The following NELL2 variants were observed in gnomAD, a reference collection of about 807,000 sequenced individuals.
The protein encoded by NELL2 is neural EGFL like 2.
A neutral mutation model predicts 109.6 loss-of-function variants in NELL2; 41 were observed. That is an observed-to-expected ratio of 0.37 (90% CI 0.29 to 0.49). The LOEUF is 0.49. Among genes scored for constraint, NELL2 ranks in the 20% least tolerant of loss-of-function variants. The pLI is 0.98. For synonymous variants in NELL2, 355 were observed against 344.7 expected (o/e 1.03, Z -0.33); for missense variants, 900 against 1,008.3 (o/e 0.89, Z 1.45).
At chr12:44,875,672 A>G in intron 1 of NELL2, 143 bp downstream of exon 1, 1 of 1,582,212 alleles carries the variant, frequency 6.3e-7, no homozygotes, top group Non-Finnish European at 8.5e-7. Context: ...AAAAAAATCC[A>G]TATCCAAACC....
intron 1 of NELL2, among the ~76,000 whole-genome samples, chr12:44,907,846 A>G (rs1195430980): frequency 6.6e-6 from 1 of 152,162 alleles, no homozygotes; most frequent in Non-Finnish European, 1.5e-5. Flanking sequence ...CATTCAAGAA[A>G]TAGGATATAG....
intron 2 of NELL2, 182 bp downstream of exon 2, chr12:44,875,043 G>GATCTCGGTGGTC: frequency 1.4e-6 from 1 of 718,202 alleles, no homozygotes; most frequent in South Asian, 2.1e-5. Context: ...AGAAGGGTGA[G>GATCTCGGTGGTC]GCAGGGGAGA....
chr12:44,523,014 A>G (rs1269037708), intron 17 of NELL2: 7 of 437,520 alleles, frequency 1.6e-5, no homozygotes, highest in Non-Finnish European at 1.7e-5. Context: ...GACACAATAT[A>G]GTATATACTA....
At chr12:44,880,474 G>A (rs1945399098), upstream of NELL2, among the ~76,000 whole-genome samples, 1 of 151,852 alleles carries the variant, frequency 6.6e-6, no homozygotes, top group African/African-American at 2.4e-5. Context: ...AATGTGCCAA[G>A]ACCGATAAAA....
At chr12:44,653,291 T>C (rs1947366792) in intron 13 of NELL2, among the ~76,000 whole-genome samples, 1 of 152,128 alleles carries the variant, frequency 6.6e-6, no homozygotes, top group Non-Finnish European at 1.5e-5. Context: ...ATTTTAAAGA[T>C]GAAGAAACTG....
chr12:44,840,852 T>C (rs1162104554), intron 2 of NELL2, among the ~76,000 whole-genome samples: 4 of 152,196 alleles, frequency 2.6e-5, no homozygotes, highest in Non-Finnish European at 5.9e-5. Context: ...TAGAAATAGG[T>C]CAAATACATG....
intron 11 of NELL2, 48 bp from the exon 12 acceptor site, chr12:44,703,902 T>C (rs767311763): frequency 7.2e-6 from 11 of 1,521,084 alleles, no homozygotes; most frequent in Non-Finnish European, 8.9e-7. Context: ...ACTATGACAA[T>C]GCAAATTTTT....
chr12:44,639,458 C>T (rs1946769951), intron 13 of NELL2, among the ~76,000 whole-genome samples: 1 of 152,176 alleles, frequency 6.6e-6, no homozygotes, highest in Admixed American at 6.5e-5. Flanking sequence ...TTGTTATTTC[C>T]TAACAAGACC....
chr12:44,627,687 G>A (rs1362766676), intron 13 of NELL2, among the ~76,000 whole-genome samples: 2 of 152,004 alleles, frequency 1.3e-5, no homozygotes, highest in Admixed American at 1.3e-4. Flanking sequence ...GATATAACTT[G>A]TTCCCCTTTC....
intron 12 of NELL2, among the ~76,000 whole-genome samples, chr12:44,680,473 A>T (rs1005038361): frequency 2.4e-4 from 37 of 152,322 alleles, no homozygotes; most frequent in African/African-American, 8.7e-4. Context: ...TACTTGGAGG[A>T]AATTTAAAAA....
chr12:44,561,632 A>C (rs1309100610), intron 15 of NELL2, among the ~76,000 whole-genome samples: 1 of 152,214 alleles, frequency 6.6e-6, no homozygotes, highest in Non-Finnish European at 1.5e-5. Flanking sequence ...AGACCTCCTC[A>C]AGGAGAACTA....
At chr12:44,900,367 AC>A (rs35813247) in intron 1 of NELL2, among the ~76,000 whole-genome samples, 11,318 of 152,176 alleles carry the variant, frequency 0.074, 543 homozygotes, top group Admixed American at 0.12. Flanking sequence ...TGGAAGTAAA[AC>A]ACTCCTCAGA....
intron 15 of NELL2, among the ~76,000 whole-genome samples, chr12:44,547,413 C>T (rs894198322): frequency 9.9e-5 from 15 of 151,944 alleles, no homozygotes; most frequent in African/African-American, 3.4e-4. Flanking sequence ...AAAATGCTTG[C>T]GATAAATATC....
intron 12 of NELL2, among the ~76,000 whole-genome samples, chr12:44,693,421 G>A (rs982453751): frequency 6.6e-6 from 1 of 152,064 alleles, no homozygotes; most frequent in Non-Finnish European, 1.5e-5. Flanking sequence ...TTATTGCAGT[G>A]GTCTGGAAAC....
intron 2 of NELL2, among the ~76,000 whole-genome samples, chr12:44,821,083 T>C (rs964999086): frequency 6.6e-6 from 1 of 151,734 alleles, no homozygotes; most frequent in Non-Finnish European, 1.5e-5. Context: ...ATATATATTC[T>C]ATAATGCTGC....
chr12:44,568,942 T>C (rs1943760216), intron 15 of NELL2, among the ~76,000 whole-genome samples: 1 of 152,118 alleles, frequency 6.6e-6, no homozygotes, highest in Non-Finnish European at 1.5e-5. Context: ...GGTAAACTTG[T>C]GTCATGGGAT....
At chr12:44,639,008 T>A (rs955583331) in intron 13 of NELL2, among the ~76,000 whole-genome samples, 5 of 152,228 alleles carry the variant, frequency 3.3e-5, no homozygotes, top group African/African-American at 9.6e-5. Context: ...ATAATCAATA[T>A]AAAAATTATT....
intron 13 of NELL2, among the ~76,000 whole-genome samples, chr12:44,650,558 G>A (rs914876629): frequency 6.6e-6 from 1 of 152,044 alleles, no homozygotes; most frequent in Non-Finnish European, 1.5e-5. Flanking sequence ...GCTTCCCAAA[G>A]TGCTGGGATT....
intron 15 of NELL2, among the ~76,000 whole-genome samples, chr12:44,558,702 G>A (rs1263033324): frequency 6.6e-6 from 1 of 152,150 alleles, no homozygotes; most frequent in African/African-American, 2.4e-5. Context: ...TTCCTCAGGT[G>A]CCTATGACAC....
Sources: allele counts gnomAD v4.1 joint callset (sites outside exome capture counted in the v4.1 genomes callset), GRCh38; gene constraint gnomAD v4.1.1; transcripts MANE v1.5; gene names NCBI Gene and HGNC (gene_info 2026-07-23, HGNC 2026-07-21).